Variants in ERCC1 observed in about 807,000 individuals in gnomAD.
ERCC1 encodes the protein ERCC excision repair 1, endonuclease non-catalytic subunit.
A neutral mutation model predicts 37.6 loss-of-function variants in ERCC1; 36 were observed. That is an observed-to-expected ratio of 0.96 (90% confidence interval 0.73 to 1.26). The LOEUF (loss-of-function observed/expected upper bound fraction) is 1.26, where lower values mean the gene tolerates loss of function less well. Among genes scored for constraint, ERCC1 ranks in the 50% most tolerant of loss-of-function variants. The probability of loss-of-function intolerance (pLI) is 0.00; values close to 1 mark genes in which losing one functional copy is unlikely to be tolerated. For missense variants in ERCC1, 349 were observed against 376.5 expected (o/e 0.93, Z 0.60); for synonymous variants, 156 against 162.1 (o/e 0.96, Z 0.28).
Position 45,420,420 on chromosome 19 carries a change from T to C in ERCC1, c.329A>G (p.Asn110Ser), listed in dbSNP as rs567625462. 8.2e-5 allele frequency: 133 copies of C among 1,612,178 alleles called. 1 individual carries two copies. In the South Asian group the frequency reaches 9.4e-4, roughly 11 times the overall value. ...ATTGCGCACGAACTTCAGTACGGGA[T>C]TGCCCCTCTGGGGAGGGACGAAGGG... ...SIIVSPRQRG[N>S]PVLKFVRNVP... The change falls in exon 4 of 10, where the codon AAT becomes AGT. Residue 110 changes from asparagine to serine, a missense_variant. Asn to Ser is a conservative substitution (Grantham distance 46). Coordinates refer to ENST00000300853, the MANE Select transcript of ERCC1 (RefSeq NM_001983.4). The surrounding 1 kb of genome is among the most constrained non-coding windows in gnomAD (Gnocchi z 4.8).
At position 45,420,806 on chromosome 19, in the gene ERCC1, A is replaced by G. The variant is rs1277659154; in HGVS notation, c.321+372T>C. ...CCCAGCAACTTTTTGTGTTTTTAGTAGAGATGGGGTGTCACCATATTCGCC... is the reference window on the plus strand; with the variant it reads ...CCCAGCAACTTTTTGTGTTTTTAGTGGAGATGGGGTGTCACCATATTCGCC... On this transcript the variant is annotated intron_variant, in intron 3 of 9. Transcript: ENST00000300853. The surrounding 1 kb of genome is among the most constrained non-coding windows in gnomAD (Gnocchi z 4.8). Among the ~76,000 whole-genome samples the G allele has an allele frequency of 6.6e-6, 1 of 152,074 alleles. No individual in the cohort carries two copies. Among genetic ancestry groups the G allele is most frequent in the Admixed American group, 6.6e-5 (1 of 15,254 alleles).
chr19:45,423,873 CCACTGCCAG>C lies in ERCC1; in HGVS notation c.-109_-101del, dbSNP rs1351952336. ...AAGACTGCAGAGGGATCGAGGCGGC[CCACTGCCAG>C]CACGGCCAGCGTGGCCCAGGGCTCG... On this transcript the variant is annotated 5_prime_UTR_variant, in exon 1 of 10. Transcript: ENST00000300853. 1 of 1,106,304 alleles carries C rather than the reference CCACTGCCAG, an allele frequency of 9.0e-7. No individual in the cohort carries two copies. Among genetic ancestry groups the C allele is most frequent in the Non-Finnish European group, 1.1e-6 (1 of 901,716 alleles). The allele number at this position is 1,106,304 out of a possible 1,614,324, so 68.5% of individuals were successfully genotyped here.
At chr19:45,440,029 G>C (rs930854581) in intron 1 of ERCC1, among the ~76,000 whole-genome samples, 1 of 152,118 alleles carries the variant, frequency 6.6e-6, no homozygotes, top group Admixed American at 6.5e-5. Flanking sequence ...GGAGCGCGCG[G>C]GGGGAGCGGT....
chr19:45,427,818 C>T (rs1599850045), upstream of ERCC1, among the ~76,000 whole-genome samples: 2 of 152,074 alleles, frequency 1.3e-5, no homozygotes, highest in Non-Finnish European at 2.9e-5. Context: ...GTTGGGGAGC[C>T]GGGGCCTCTC....
intron 1 of ERCC1, among the ~76,000 whole-genome samples, chr19:45,442,442 C>T (rs1039394749): frequency 3.3e-5 from 5 of 152,144 alleles, no homozygotes; most frequent in African/African-American, 1.2e-4. Flanking sequence ...GTATCTTGGC[C>T]AGTAGGATTC....
chr19:45,414,131 G>T, intron 7 of ERCC1, 97 bp from the exon 8 acceptor site: 1 of 940,606 alleles, frequency 1.1e-6, no homozygotes, highest in Admixed American at 1.9e-5. Flanking sequence ...TCCCCAGACT[G>T]CCTGGCGTGC....
At position 45,413,669 on chromosome 19, in the gene ERCC1, G is replaced by A. The variant is rs759269906; in HGVS notation, c.843+8C>T. 5.0e-6 allele frequency: 8 copies of A among 1,614,166 alleles called. No individual in the cohort carries two copies. In the East Asian group the frequency reaches 1.3e-4, roughly 27 times the overall value. ...CCAACTCCTTGGGTTCTTTCCCAGA[G>A]CTCTTACTTTCTGAGGGCCCAGGCC... On this transcript the variant is annotated splice_region_variant and intron_variant, in intron 9 of 9. Transcript: ENST00000300853.
chr19:45,409,865 C>A (rs925667250), intron 9 of ERCC1, 140 bp from the exon 10 acceptor site: 4 of 518,618 alleles, frequency 7.7e-6, no homozygotes, highest in African/African-American at 3.9e-5. Flanking sequence ...AATCCAGTTA[C>A]AATCTTTTTA....
At chr19:45,438,187 G>C (rs1233682012) in intron 1 of ERCC1, among the ~76,000 whole-genome samples, 1 of 152,142 alleles carries the variant, frequency 6.6e-6, no homozygotes, top group Non-Finnish European at 1.5e-5. Flanking sequence ...TGGGATTACA[G>C]GCGTGAGCCA....
In ERCC1 at chr19:45,421,300, G is replaced by A. The variant is rs1454398092; in HGVS notation, c.199C>T (p.Gln67Ter). Residue 67 changes from glutamine (Q) to a stop codon, truncating the protein, a stop_gained, in exon 3 of 10, where the codon CAG becomes TAG. Coordinates refer to ENST00000300853, the MANE Select transcript of ERCC1 (RefSeq NM_001983.4). LOFTEE classifies it high-confidence loss of function. ...PQTYAEYAIS[Q>*]PLEGAGATCP... is the part of the protein sequence containing the mutation. ...GTGGCCCCAGCCCCTTCCAGAGGCT[G>A]TGAGATGGCATATTCGGCGTAGGTC... 1 of 1,614,170 alleles carries A rather than the reference G, an allele frequency of 6.2e-7. No homozygotes were observed. Among genetic ancestry groups the A allele is most frequent in the East Asian group, 2.2e-5 (1 of 44,884 alleles).
intron 1 of ERCC1, among the ~76,000 whole-genome samples, chr19:45,444,437 T>A (rs963195660): frequency 6.6e-6 from 1 of 151,578 alleles, no homozygotes; most frequent in Non-Finnish European, 1.5e-5. Flanking sequence ...AACACTGGTC[T>A]CCAGGCAACA....
chr19:45,433,075 T>G (rs898359549), intron 1 of ERCC1, among the ~76,000 whole-genome samples: 1 of 149,634 alleles, frequency 6.7e-6, no homozygotes, highest in African/African-American at 2.5e-5. Flanking sequence ...AATGAAACTC[T>G]GTCTCAAAAT....
At chr19:45,421,001 C>G (rs567586794) in intron 3 of ERCC1, among the ~76,000 whole-genome samples, 177 bp downstream of exon 3, 1 of 152,138 alleles carries the variant, frequency 6.6e-6, no homozygotes, top group Non-Finnish European at 1.5e-5. Flanking sequence ...ACAGCCCCAG[C>G]AAGTAGAGCT....
In ERCC1 at chr19:45,408,454, G is replaced by A. The variant is rs1217006246; in HGVS notation, c.*1221C>T. On this transcript the variant is annotated 3_prime_UTR_variant, in exon 10 of 10. Coordinates refer to ENST00000300853, the MANE Select transcript of ERCC1 (RefSeq NM_001983.4). ...GCAACCCACCAGTCACAGGGCCTAG[G>A]TCAGCCTTGGCCCCCAACCTGCTCA... 2 of 1,613,958 alleles carry A rather than the reference G, an allele frequency of 1.2e-6. No individual in the cohort carries two copies. The highest frequency in any genetic ancestry group is 2.2e-5 in the East Asian group (1 of 44,876).
intron 1 of ERCC1, among the ~76,000 whole-genome samples, chr19:45,440,027 C>T (rs920851918): frequency 3.9e-5 from 6 of 152,086 alleles, no homozygotes; most frequent in Non-Finnish European, 8.8e-5. Context: ...GGGGAGCGCG[C>T]GGGGGGAGCG....
Position 45,420,512 on chromosome 19 carries a change from C to CTCCCTCCTCCCACCTCT in ERCC1, c.322-102_322-86dup. On this transcript the variant is annotated intron_variant, in intron 3 of 9. Transcript: ENST00000300853. The surrounding 1 kb of genome is among the most constrained non-coding windows in gnomAD (Gnocchi z 4.8). Reference sequence around the variant, plus strand: ...CCTCCTCCACCTCTTCTTGCACCTCCTCCCTCCTCCCACCTCTTCCCACAC... The same window carrying CTCCCTCCTCCCACCTCT: ...CCTCCTCCACCTCTTCTTGCACCTCCTCCCTCCTCCCACCTCTTCCCTCCTCCCACCTCTTCCCACAC... The CTCCCTCCTCCCACCTCT allele has an allele frequency of 1.2e-6, 1 of 812,960 alleles. No individual in the cohort carries two copies. The highest frequency in any genetic ancestry group is 1.4e-5 in the South Asian group (1 of 70,556). 50.4% of individuals were successfully genotyped at this position (812,960 alleles called of 1,614,324 possible). A position where few individuals can be genotyped will look rare whatever the true frequency, so the allele number is the denominator to read the frequency against.
chr19:45,423,642 T>C (rs1599844839), intron 1 of ERCC1, 139 bp downstream of exon 1: 2 of 1,265,818 alleles, frequency 1.6e-6, no homozygotes, highest in Admixed American at 3.4e-5. Flanking sequence ...GTCCCCACCA[T>C]CCCCCGCCTT....
Position 45,445,103 on chromosome 19 carries a change from G to A in ERCC1, c.-7-21722C>T, listed in dbSNP as rs573257021. Among the ~76,000 whole-genome samples, 174 of 152,192 alleles carry A rather than the reference G, an allele frequency of 1.1e-3. 1 individual carries two copies. Among genetic ancestry groups the A allele is most frequent in the Non-Finnish European group, 2.2e-3 (148 of 68,014 alleles). On this transcript the variant is annotated intron_variant, in intron 1 of 8. Transcript: ENST00000423698. ...ACCATCTGGGCTCACTGCAACCTCC[G>A]CCTCCTGAGTTCAAGCAATTCTCCT... is the stretch of plus-strand genomic sequence containing the variant.
At chr19:45,423,636 C>T in intron 1 of ERCC1, 145 bp downstream of exon 1, 1 of 1,329,284 alleles carries the variant, frequency 7.5e-7, no homozygotes, top group Non-Finnish European at 9.7e-7. Context: ...GGCTCCGTCC[C>T]CACCATCCCC....
Sources: allele counts gnomAD v4.1 joint callset (sites outside exome capture counted in the v4.1 genomes callset), GRCh38; gene constraint gnomAD v4.1.1; non-coding constraint Gnocchi (gnomAD v3.1); transcripts MANE v1.5; gene names NCBI Gene and HGNC (gene_info 2026-07-23, HGNC 2026-07-21).